The following DDX60L variants were observed in gnomAD, a reference collection of about 807,000 sequenced individuals.
DDX60L encodes the protein probable ATP-dependent RNA helicase DDX60-like.
Under a neutral mutation model 211.6 loss-of-function variants are expected in DDX60L, and 191 were observed. That is an observed-to-expected ratio of 0.90 (90% CI 0.80 to 1.02). The LOEUF (loss-of-function observed/expected upper bound fraction) is 1.02, where lower values mean the gene tolerates loss of function less well. Among genes scored for constraint, DDX60L ranks in the 50% least tolerant of loss-of-function variants. The pLI, the probability that DDX60L is intolerant of heterozygous loss-of-function variation, is 0.00. For missense variants in DDX60L, 2,007 were observed against 1,984.1 expected, an observed-to-expected ratio of 1.01 and a Z score of -0.22; for synonymous variants, 706 against 694.1, an observed-to-expected ratio of 1.02 and a Z score of -0.27.
At position 168,453,193 on chromosome 4, in the gene DDX60L, A is replaced by G; in HGVS notation, c.927T>C (p.Leu309=). 1 of 1,613,442 alleles carries G rather than the reference A, an allele frequency of 6.2e-7. No individual in the cohort carries two copies. The highest frequency in any genetic ancestry group is 1.3e-5 in the African/African-American group (1 of 75,026). Residue 309 remains leucine (L), a synonymous_variant, in exon 8 of 38, where the codon CTT becomes CTC. Coordinates refer to ENST00000682922, the MANE Select transcript of DDX60L (RefSeq NM_001012967.3). ...TGACTCGAGAACAAGCTCTCTGAGAAAGGGGTAAGTGGAGTTGAAAAGCCA... is the reference window on the plus strand; with the variant it reads ...TGACTCGAGAACAAGCTCTCTGAGAGAGGGGTAAGTGGAGTTGAAAAGCCA... ...LCVAFQLHLP[L]SQRACSRVIT... is the part of the protein sequence containing the mutation.
At chr4:168,441,240 A>G (rs1753784855) in intron 10 of DDX60L, 97 bp downstream of exon 10, 3 of 1,237,520 alleles carry the variant, frequency 2.4e-6, no homozygotes, top group East Asian at 2.4e-5. Context: ...CAGTGAAGGA[A>G]AATTATTTAC....
At chr4:168,468,289 T>C (rs769031862) in intron 4 of DDX60L, among the ~76,000 whole-genome samples, 55 of 152,158 alleles carry the variant, frequency 3.6e-4, no homozygotes, top group East Asian at 2.1e-3. Flanking sequence ...AGAAAGGATA[T>C]CTATCATGAC....
chr4:168,457,299 C>T (rs945308221), intron 6 of DDX60L, among the ~76,000 whole-genome samples: 4 of 151,720 alleles, frequency 2.6e-5, no homozygotes, highest in Non-Finnish European at 4.4e-5. Flanking sequence ...CACATACACA[C>T]ACACACACAC....
chr4:168,361,151 G>A lies in DDX60L; in HGVS notation c.4989C>T (p.Ile1663=). 1 of 1,603,306 alleles carries A rather than the reference G, an allele frequency of 6.2e-7. No individual in the cohort carries two copies. The highest frequency in any genetic ancestry group is 8.5e-7 in the Non-Finnish European group (1 of 1,172,294). Residue 1663 remains isoleucine, a splice_region_variant and synonymous_variant, in exon 37 of 38, where the codon ATC becomes ATT. Transcript: ENST00000682922. ...ATCAAACTCAGCATGAAACATACCT[G>A]ATAGCCTGAATGTTGAATGCAAAAT... ...LKDFAFNIQA[I]SDSLSELCEN...
chr4:168,412,858 T>C (rs1748925782), intron 22 of DDX60L, among the ~76,000 whole-genome samples: 1 of 152,196 alleles, frequency 6.6e-6, no homozygotes. Flanking sequence ...TGGGAGACAG[T>C]AAGGGAAGAA....
At chr4:168,401,467 T>A (rs1168537656) in intron 25 of DDX60L, among the ~76,000 whole-genome samples, 1 of 152,256 alleles carries the variant, frequency 6.6e-6, no homozygotes, top group African/African-American at 2.4e-5. Context: ...CATATCTCCC[T>A]AAAATGTATA....
intron 9 of DDX60L, among the ~76,000 whole-genome samples, chr4:168,446,406 C>T (rs1754801792): frequency 6.6e-6 from 1 of 152,148 alleles, no homozygotes. Context: ...GAAGAACATT[C>T]CATGCTCATG....
chr4:168,423,777 T>C lies in DDX60L; in HGVS notation c.1931-3A>G. The C allele has an allele frequency of 1.9e-6, 3 of 1,558,352 alleles. No individual in the cohort carries two copies. Among genetic ancestry groups the C allele is most frequent in the Non-Finnish European group, 2.6e-6 (3 of 1,157,776 alleles). On this transcript the variant is annotated splice_region_variant and splice_polypyrimidine_tract_variant and intron_variant, in intron 14 of 37. Transcript: ENST00000682922. ...ACTTAAATCTTTCGAAATTTTGCCT[T>C]GTTAAAGAAACAATAAAATTGTTAT...
chr4:168,378,634 C>T (rs1742380714), intron 32 of DDX60L, among the ~76,000 whole-genome samples, 159 bp from the exon 33 acceptor site: 1 of 151,990 alleles, frequency 6.6e-6, no homozygotes, highest in East Asian at 1.9e-4. Context: ...ACTATGTGCA[C>T]ATTTATTTTT....
chr4:168,439,989 T>G (rs1178630237), intron 10 of DDX60L, among the ~76,000 whole-genome samples: 1 of 152,124 alleles, frequency 6.6e-6, no homozygotes, highest in Non-Finnish European at 1.5e-5. Context: ...CAATAACAGA[T>G]GAAAAGTCCA....
chr4:168,406,618 G>A lies in DDX60L; in HGVS notation c.3068C>T (p.Thr1023Ile), dbSNP rs751866753. The change falls in exon 23 of 38, where the codon ACT (threonine) becomes ATT (isoleucine). Residue 1023 changes from threonine to isoleucine, a missense_variant. Transcript: ENST00000682922. ...LYDTMAQVWE[T>I]WPRAQELCPE... ...TATATTTACCTGAGCCCTGGGCCAA[G>A]TTTCCCAGACTTGAGCCATGGTATC... 2 of 1,598,556 alleles carry A rather than the reference G, an allele frequency of 1.3e-6. No individual in the cohort carries two copies. Among genetic ancestry groups the A allele is most frequent in the Admixed American group, 3.4e-5 (2 of 58,498 alleles).
Position 168,404,101 on chromosome 4 carries a change from T to G in DDX60L, c.3219A>C (p.Lys1073Asn), listed in dbSNP as rs1317354592. 7.3e-7 allele frequency: 1 copy of G among 1,367,282 alleles called. No homozygotes were observed. The highest frequency in any genetic ancestry group is 2.0e-5 in the South Asian group (1 of 51,240). 84.7% of individuals were successfully genotyped at this position (1,367,282 alleles called of 1,614,324 possible). The change falls in exon 25 of 38, where the codon AAA (lysine) becomes AAC (asparagine). Residue 1073 changes from lysine to asparagine, a missense_variant. Lys to Asn is a moderately conservative substitution (Grantham distance 94). Coordinates refer to ENST00000682922, the MANE Select transcript of DDX60L (RefSeq NM_001012967.3). ...WIKNGQVKKV[K>N]RVLKNLSPDS... ...CCGGACTAAGGTTCTTCAGTACTCT[T>G]TTGACCTACAACAGTAAGTAAAAAT...
At chr4:168,413,665 T>G (rs72695159) in intron 22 of DDX60L, among the ~76,000 whole-genome samples, 16,649 of 151,706 alleles carry the variant, frequency 0.11, 1,262 homozygotes, top group Admixed American at 0.15. Context: ...GAAAGGCTAT[T>G]TGAAAATATA....
At chr4:168,443,278 C>T (rs1198909123) in intron 9 of DDX60L, among the ~76,000 whole-genome samples, 8 of 151,824 alleles carry the variant, frequency 5.3e-5, no homozygotes, top group African/African-American at 1.9e-4. Flanking sequence ...AGGGTATCAG[C>T]AATGGAAGAT....
At chr4:168,443,799 A>T (rs1283321485) in intron 9 of DDX60L, among the ~76,000 whole-genome samples, 1 of 151,636 alleles carries the variant, frequency 6.6e-6, no homozygotes, top group African/African-American at 2.4e-5. Context: ...TGAGGGAGAA[A>T]TAAAATACTT....
At chr4:168,400,441 C>T (rs1431771315) in intron 26 of DDX60L, among the ~76,000 whole-genome samples, 1 of 152,168 alleles carries the variant, frequency 6.6e-6, no homozygotes, top group East Asian at 1.9e-4. Flanking sequence ...GGAATCACCA[C>T]ACTATCTTCC....
intron 27 of DDX60L, among the ~76,000 whole-genome samples, chr4:168,394,869 C>G (rs565477070): frequency 6.6e-6 from 1 of 152,286 alleles, no homozygotes; most frequent in African/African-American, 2.4e-5. Flanking sequence ...ATCAAATGCC[C>G]AGGACAGATG....
Position 168,461,809 on chromosome 4 carries a change from A to G in DDX60L, c.496T>C (p.Trp166Arg). The change falls in exon 5 of 38, where the codon TGG becomes CGG. Residue 166 changes from tryptophan (W) to arginine (R), a missense_variant. Trp to Arg is a moderately radical substitution (Grantham distance 101). Transcript: ENST00000682922. ...AGCACAACATTGACTTTCATTCCCC[A>G]GGAATGTATGATTAGGAAGTTAAAA... Reference protein sequence around the residue: ...YLFNFLIIHSWGMKVNVVLSS... With the variant: ...YLFNFLIIHSRGMKVNVVLSS... The G allele has an allele frequency of 6.2e-7, 1 of 1,606,624 alleles. No homozygotes were observed. The highest frequency in any genetic ancestry group is 8.5e-7 in the Non-Finnish European group (1 of 1,175,668).
chr4:168,419,335 C>A lies in DDX60L; in HGVS notation c.2577G>T (p.Trp859Cys), dbSNP rs771314317. Residue 859 changes from tryptophan (W) to cysteine (C), a missense_variant, in exon 19 of 38, where the codon TGG (tryptophan) becomes TGT (cysteine). Trp to Cys is a radical substitution (Grantham distance 215). Coordinates refer to ENST00000682922, the MANE Select transcript of DDX60L (RefSeq NM_001012967.3). Reference protein sequence around the residue: ...ILLLAPHRQKWVERIRYVIFD... With the variant: ...ILLLAPHRQKCVERIRYVIFD... ...ATATAACATATCTGATCCTTTCCAC[C>A]CATTTTTGGCGATGAGGAGCAAGCA... 7 of 1,599,122 alleles carry A rather than the reference C, an allele frequency of 4.4e-6. No individual in the cohort carries two copies. The highest frequency in any genetic ancestry group is 3.4e-5 in the South Asian group (3 of 88,426).
Sources: allele counts gnomAD v4.1 joint callset (sites outside exome capture counted in the v4.1 genomes callset), GRCh38; gene constraint gnomAD v4.1.1; transcripts MANE v1.5; gene names NCBI Gene and HGNC (gene_info 2026-07-23, HGNC 2026-07-21).